The following UBE2B variants were observed in gnomAD, a reference collection of about 807,000 sequenced individuals.
The protein encoded by UBE2B is ubiquitin conjugating enzyme E2 B.
In UBE2B, 11 loss-of-function variants were observed where a neutral mutation model predicts 24.6. The observed-to-expected ratio is 0.45, with a 90% CI of 0.28 to 0.74. The LOEUF (loss-of-function observed/expected upper bound fraction) is 0.74. Ranked by LOEUF, UBE2B falls within the 30% of genes least tolerant of loss-of-function variation. The pLI is 0.13. For missense variants in UBE2B, 78 were observed against 185.6 expected, an observed-to-expected ratio of 0.42 and a Z score of 3.37; for synonymous variants, 68 against 62.4, an observed-to-expected ratio of 1.09 and a Z score of -0.42.
chr5:134,389,949 A>T (rs1001350148), intron 5 of UBE2B: 20 of 398,842 alleles, frequency 5.0e-5, no homozygotes, highest in Non-Finnish European at 9.0e-5. Context: ...CCAAAGTGTT[A>T]GGATTACAGG....
chr5:134,386,655 A>G (rs973243186), intron 4 of UBE2B, among the ~76,000 whole-genome samples: 3 of 152,104 alleles, frequency 2.0e-5, no homozygotes, highest in African/African-American at 7.2e-5. Flanking sequence ...GGAAAAGAAA[A>G]TAAGATCATC....
intron 4 of UBE2B, among the ~76,000 whole-genome samples, chr5:134,381,844 T>G (rs1272225855): frequency 1.3e-5 from 2 of 152,196 alleles, no homozygotes; most frequent in Non-Finnish European, 2.9e-5. Flanking sequence ...CTCAGGAGGC[T>G]GAGACAGGAG....
At chr5:134,379,460 A>G (rs942195622) in intron 3 of UBE2B, among the ~76,000 whole-genome samples, 55 of 152,114 alleles carry the variant, frequency 3.6e-4, no homozygotes, top group African/African-American at 1.3e-3. Context: ...AGCCTGGCCA[A>G]CATGGTGAAA....
chr5:134,390,458 G>GA lies in UBE2B; in HGVS notation c.*113dup. 9.6e-5 allele frequency: 134 copies of GA among 1,392,222 alleles called. No individual in the cohort carries two copies. Among genetic ancestry groups the GA allele is most frequent in the Non-Finnish European group, 1.1e-4 (110 of 1,016,418 alleles). 86.2% of individuals were successfully genotyped at this position (1,392,222 alleles called of 1,614,324 possible). ...TGCCACAGGTTTTAAGGATTCTGCA[G>GA]AAAAAAAAGAAAAAAGTCCTTCAGT... On this transcript the variant is annotated 3_prime_UTR_variant, in exon 6 of 6. Coordinates refer to ENST00000265339, the MANE Select transcript of UBE2B (RefSeq NM_003337.4). The surrounding 1 kb of genome is among the most constrained non-coding windows in gnomAD (Gnocchi z 4.6).
chr5:134,380,142 C>T (rs558225182), intron 3 of UBE2B, among the ~76,000 whole-genome samples: 3 of 152,282 alleles, frequency 2.0e-5, no homozygotes, highest in African/African-American at 4.8e-5. Context: ...AACTCCTGAC[C>T]TCAGGTGATC....
chr5:134,372,319 T>TC (rs775854003), intron 1 of UBE2B, among the ~76,000 whole-genome samples: 1 of 152,166 alleles, frequency 6.6e-6, no homozygotes, highest in Non-Finnish European at 1.5e-5. Flanking sequence ...ATCTATAGCC[T>TC]CCCGAGTCTG....
intron 4 of UBE2B, chr5:134,385,603 GA>G (rs1758786282): frequency 6.6e-6 from 1 of 151,878 alleles, no homozygotes; most frequent in Non-Finnish European, 1.5e-5. Flanking sequence ...AAAAAGGGAA[GA>G]ACCCTCCCAG....
chr5:134,385,036 A>G (rs1487841757), intron 4 of UBE2B, among the ~76,000 whole-genome samples: 3 of 152,172 alleles, frequency 2.0e-5, no homozygotes, highest in South Asian at 2.1e-4. Flanking sequence ...TCTGTGATTC[A>G]TTTTTTATTG....
intron 4 of UBE2B, among the ~76,000 whole-genome samples, chr5:134,385,144 C>T (rs1758777759): frequency 6.6e-6 from 1 of 152,108 alleles, no homozygotes. Context: ...GAAATAGTTA[C>T]TCAGAACTTT....
rs1206993709 is a variant in UBE2B at position 134,376,340 on chromosome 5, A to ATAT, written c.126-329_126-328insTAT. On this transcript the variant is annotated intron_variant, in intron 2 of 5. Transcript: ENST00000265339. Reference sequence around the variant, plus strand: ...TCCGTCTCAAAAAAAAAAAAAAAAAAAAAAAAAAATATATATATATATATA... The same window carrying ATAT: ...TCCGTCTCAAAAAAAAAAAAAAAAAATATAAAAAAAAATATATATATATATATA... Among the ~76,000 whole-genome samples the ATAT allele has an allele frequency of 2.9e-3, 17 of 5,920 alleles. 1 individual carries two copies. Among genetic ancestry groups the ATAT allele is most frequent in the East Asian group, 0.013 (3 of 238 alleles). The allele number at this position is 5,920 out of a possible 152,430, so 3.9% of individuals were successfully genotyped here. A position where few individuals can be genotyped will look rare whatever the true frequency, so the allele number is the denominator to read the frequency against.
chr5:134,372,461 T>C (rs1561677367), intron 1 of UBE2B, among the ~76,000 whole-genome samples: 1 of 152,212 alleles, frequency 6.6e-6, no homozygotes, highest in South Asian at 2.1e-4. Context: ...TTACCTTTTA[T>C]TGGATACTTA....
intron 2 of UBE2B, among the ~76,000 whole-genome samples, chr5:134,375,207 T>C (rs531586243): frequency 1.3e-5 from 2 of 152,300 alleles, no homozygotes; most frequent in South Asian, 2.1e-4. Context: ...TAAGCGAAAA[T>C]GATTCACAGC....
chr5:134,388,297 GTAAC>G (rs1304114808), intron 4 of UBE2B, 24 bp from the exon 5 acceptor site: 28 of 1,587,234 alleles, frequency 1.8e-5, no homozygotes, highest in Non-Finnish European at 1.8e-5. Context: ...GGCAGAGTGT[GTAAC>G]TAATTTTAGT....
rs772480592 is a variant in UBE2B at position 134,371,606 on chromosome 5, C to T, written c.11C>T (p.Pro4Leu). The T allele has an allele frequency of 6.2e-6, 10 of 1,612,844 alleles. No homozygotes were observed. The highest frequency in any genetic ancestry group is 2.5e-6 in the Non-Finnish European group (3 of 1,179,850). Residue 4 changes from proline to leucine, a missense_variant, in exon 1 of 6, where the codon CCG becomes CTG. Transcript: ENST00000265339. MST[P>L]ARRRLMRDFK... is the part of the protein sequence containing the mutation. ...GGGCAGCTGCGGAGCATGTCGACCC[C>T]GGCCCGGAGGAGGCTCATGCGGGAT... is the stretch of plus-strand genomic sequence containing the variant.
intron 2 of UBE2B, among the ~76,000 whole-genome samples, chr5:134,375,813 A>C (rs1039781939): frequency 1.3e-5 from 2 of 150,808 alleles, no homozygotes; most frequent in Non-Finnish European, 3.0e-5. Context: ...AAAAAAAAAA[A>C]AAAAAAAAAA....
intron 4 of UBE2B, among the ~76,000 whole-genome samples, chr5:134,382,392 T>C (rs1396224280): frequency 2.6e-5 from 4 of 151,996 alleles, no homozygotes; most frequent in African/African-American, 9.7e-5. Context: ...AGGTCAAGGC[T>C]GCAGTGAGCC....
chr5:134,385,379 C>A (rs1315282380), intron 4 of UBE2B, among the ~76,000 whole-genome samples: 1 of 152,164 alleles, frequency 6.6e-6, no homozygotes, highest in African/African-American at 2.4e-5. Context: ...AGGAAAAGGG[C>A]TTAGGATAGA....
At chr5:134,376,348 A>AATATATATATATATATATATATATATAT (rs1190025064) in intron 2 of UBE2B, among the ~76,000 whole-genome samples, 23 of 4,744 alleles carry the variant, frequency 4.8e-3, no homozygotes, top group Admixed American at 8.5e-3. Flanking sequence ...AAAAAAAAAA[A>AATATATATATATATATATATATATATAT]ATATATATAT....
intron 5 of UBE2B, chr5:134,389,079 G>GTAGC (rs1422892279): frequency 1.0e-5 from 3 of 285,882 alleles, no homozygotes; most frequent in Non-Finnish European, 2.0e-5. Flanking sequence ...AGCCTCCTGA[G>GTAGC]TAGCTAGGAC....
Sources: allele counts gnomAD v4.1 joint callset (sites outside exome capture counted in the v4.1 genomes callset), GRCh38; gene constraint gnomAD v4.1.1; non-coding constraint Gnocchi (gnomAD v3.1); transcripts MANE v1.5; gene names NCBI Gene and HGNC (gene_info 2026-07-23, HGNC 2026-07-21).